Variants in CD109 observed in about 807,000 individuals in gnomAD.
CD109 encodes the protein CD109 molecule, also known as CD109 antigen.
Under a neutral mutation model 165.8 loss-of-function variants are expected in CD109, and 149 were observed. That is an observed-to-expected ratio of 0.90 (90% CI 0.79 to 1.03). The LOEUF (loss-of-function observed/expected upper bound fraction) is 1.03. Among genes scored for constraint, CD109 ranks in the 50% least tolerant of loss-of-function variants. CD109 has a pLI of 0.00. For missense variants in CD109, 1,712 were observed against 1,677.8 expected (o/e 1.02, Z -0.36); for synonymous variants, 585 against 592.1 (o/e 0.99, Z 0.18).
chr6:73,792,680 A>G lies in CD109; in HGVS notation c.2756A>G (p.Tyr919Cys). The G allele has an allele frequency of 6.2e-7, 1 of 1,613,384 alleles. No homozygotes were observed. The highest frequency in any genetic ancestry group is 1.1e-5 in the South Asian group (1 of 91,078). ...NGLASLIRMP[Y>C]GCGEQNMINF... ...TTAGCCTCATTGATTCGGATGCCTT[A>G]TGGCTGTGGTGAACAGAACATGATA... The change falls in exon 23 of 33, where the codon TAT becomes TGT. Residue 919 changes from tyrosine (Y) to cysteine (C), a missense_variant. Coordinates refer to ENST00000287097, the MANE Select transcript of CD109 (RefSeq NM_133493.5).
At chr6:73,774,526 A>G (rs2150239931) in intron 15 of CD109, among the ~76,000 whole-genome samples, 1 of 152,296 alleles carries the variant, frequency 6.6e-6, no homozygotes, top group South Asian at 2.1e-4. Flanking sequence ...TGCTTGAGGG[A>G]CATGGGTCTG....
intron 2 of CD109, among the ~76,000 whole-genome samples, chr6:73,717,798 T>C (rs1771798501): frequency 6.6e-6 from 1 of 151,620 alleles, no homozygotes; most frequent in Non-Finnish European, 1.5e-5. Flanking sequence ...TTTTTGTATT[T>C]TTAGTAGAGA....
chr6:73,807,037 A>G lies in CD109; in HGVS notation c.3154A>G (p.Ile1052Val). Residue 1052 changes from isoleucine (I) to valine (V), a missense_variant, in exon 25 of 33, where the codon ATT becomes GTT. By Grantham distance (29) the Ile-to-Val change is conservative. Transcript: ENST00000287097. ...AAGTCCAGTAACACTTACAGCCTAT[A>G]TTGTAACTTCTCTCCTGGGATATAG... ...NKSPVTLTAY[I>V]VTSLLGYRKY... 6.2e-7 allele frequency: 1 copy of G among 1,613,558 alleles called. No homozygotes were observed. The highest frequency in any genetic ancestry group is 8.5e-7 in the Non-Finnish European group (1 of 1,179,562).
intron 2 of CD109, among the ~76,000 whole-genome samples, chr6:73,700,790 G>GTTTTTTTTTTTTT (rs58140668): frequency 1.9e-5 from 1 of 51,478 alleles, no homozygotes; most frequent in African/African-American, 8.0e-5. Context: ...ATTGATTGTA[G>GTTTTTTTTTTTTT]TTTTTTTTTT....
At chr6:73,723,887 TTAAAA>T (rs1299981708) in intron 3 of CD109, among the ~76,000 whole-genome samples, 1 of 152,030 alleles carries the variant, frequency 6.6e-6, no homozygotes, top group African/African-American at 2.4e-5. Context: ...ACCCCTGAAC[TTAAAA>T]TAAAAGTTAA....
rs1481837507 is a variant in CD109 at position 73,788,615 on chromosome 6, A to C, written c.2701+3A>C. 2.5e-6 allele frequency: 4 copies of C among 1,609,284 alleles called. No individual in the cohort carries two copies. The highest frequency in any genetic ancestry group is 3.4e-5 in the Admixed American group (2 of 59,426). ...AAGAGTTCAGATCACTGCAATTGGT[A>C]AGAATAGAGTATATCACCATCTATT... On this transcript the variant is annotated splice_donor_region_variant and intron_variant, in intron 22 of 32. Transcript: ENST00000287097.
chr6:73,778,534 G>A (rs552509799), intron 15 of CD109, among the ~76,000 whole-genome samples: 8 of 152,290 alleles, frequency 5.3e-5, no homozygotes, highest in East Asian at 1.9e-4. Context: ...GAGCAAGAGC[G>A]GAAGCAAATC....
chr6:73,748,583 G>T (rs1007959506), intron 5 of CD109, among the ~76,000 whole-genome samples: 1 of 152,202 alleles, frequency 6.6e-6, no homozygotes, highest in Non-Finnish European at 1.5e-5. Context: ...CCACTCAGGC[G>T]CAATGAATAT....
chr6:73,813,722 C>G (rs17828809), intron 29 of CD109, among the ~76,000 whole-genome samples: 2,686 of 152,180 alleles, frequency 0.018, 33 homozygotes, highest in Non-Finnish European at 0.028. Context: ...ACTGCAAGAT[C>G]TTTTGAAGTT....
chr6:73,793,096 T>A (rs1467999326), intron 23 of CD109, among the ~76,000 whole-genome samples: 1 of 152,222 alleles, frequency 6.6e-6, no homozygotes, highest in African/African-American at 2.4e-5. Flanking sequence ...TCTTTAAAAA[T>A]CTAGAGGAAT....
chr6:73,772,374 G>A (rs1290746685), intron 15 of CD109, among the ~76,000 whole-genome samples: 3 of 151,574 alleles, frequency 2.0e-5, no homozygotes, highest in East Asian at 1.9e-4. Flanking sequence ...GCGCGGTGGC[G>A]GGCGCCTGTA....
intron 14 of CD109, among the ~76,000 whole-genome samples, chr6:73,768,585 G>A (rs561822151): frequency 2.2e-4 from 34 of 152,306 alleles, no homozygotes; most frequent in African/African-American, 8.2e-4. Context: ...GTGATATAAA[G>A]GGTGTGGGAA....
chr6:73,725,805 G>A (rs1311605555), intron 3 of CD109, among the ~76,000 whole-genome samples: 1 of 152,178 alleles, frequency 6.6e-6, no homozygotes, highest in Non-Finnish European at 1.5e-5. Flanking sequence ...AAGCCACTGC[G>A]CCCAGCCTAC....
At chr6:73,810,219 T>C (rs1463485530) in intron 27 of CD109, 45 bp downstream of exon 27, 4 of 531,880 alleles carry the variant, frequency 7.5e-6, no homozygotes. Flanking sequence ...ATATATAATA[T>C]AGATTTATTT....
At chr6:73,743,671 C>T (rs1206136947) in intron 5 of CD109, among the ~76,000 whole-genome samples, 2 of 151,862 alleles carry the variant, frequency 1.3e-5, no homozygotes, top group Non-Finnish European at 2.9e-5. Flanking sequence ...CAGTTCTTGT[C>T]CCTAAAGCAC....
Position 73,820,485 on chromosome 6 carries a change from A to T in CD109, c.4084A>T (p.Asn1362Tyr), listed in dbSNP as rs774572248. The change falls in exon 32 of 33, where the codon AAT (asparagine) becomes TAT (tyrosine). Residue 1362 changes from asparagine (N) to tyrosine (Y), a missense_variant. Asn to Tyr is a moderately radical substitution (Grantham distance 143). Coordinates refer to ENST00000287097, the MANE Select transcript of CD109 (RefSeq NM_133493.5). ...DSVNETQFCV[N>Y]IPAVRNFKVS... is the part of the protein sequence containing the mutation. The stretch of plus-strand genomic sequence containing the variant: ...GGTAAATGAAACCCAGTTTTGTGTT[A>T]ATATTCCTGCTGTGAGAAACTTTAA... 2.5e-6 allele frequency: 4 copies of T among 1,610,882 alleles called. No individual in the cohort carries two copies. The South Asian group carries it at 4.4e-5, about 18-fold the overall frequency.
chr6:73,758,761 AATATGT>A, intron 6 of CD109, among the ~76,000 whole-genome samples, 177 bp from the exon 7 acceptor site: 1 of 152,234 alleles, frequency 6.6e-6, no homozygotes, highest in African/African-American at 2.4e-5. Flanking sequence ...CATCTGTCTT[AATATGT>A]ATTTGGATTC....
chr6:73,800,111 C>T (rs933719485), intron 23 of CD109, among the ~76,000 whole-genome samples: 1 of 152,158 alleles, frequency 6.6e-6, no homozygotes, highest in Non-Finnish European at 1.5e-5. Flanking sequence ...TCGCCTTGGC[C>T]TCCCAAAGTG....
chr6:73,801,222 C>T (rs1429336701), intron 23 of CD109, among the ~76,000 whole-genome samples: 2 of 152,186 alleles, frequency 1.3e-5, no homozygotes, highest in Non-Finnish European at 2.9e-5. Context: ...AGCTGTGTGA[C>T]CATGCACATG....
Sources: allele counts gnomAD v4.1 joint callset (sites outside exome capture counted in the v4.1 genomes callset), GRCh38; gene constraint gnomAD v4.1.1; transcripts MANE v1.5; gene names NCBI Gene and HGNC (gene_info 2026-07-23, HGNC 2026-07-21).